The following TCF12 variants were observed in gnomAD, a reference collection of about 807,000 sequenced individuals.
TCF12 encodes transcription factor 12.
TCF12 carries 45 observed loss-of-function variants against 86.0 expected under a neutral mutation model. The ratio of observed to expected loss-of-function variants is 0.52; its 90% CI spans 0.41 to 0.67. The LOEUF is 0.67. Ranked by LOEUF, TCF12 falls within the 30% of genes least tolerant of loss-of-function variation. TCF12 has a pLI of 0.00. For synonymous variants in TCF12, 330 were observed against 299.6 expected (o/e 1.10, Z -1.05); for missense variants, 881 against 859.9 (o/e 1.02, Z -0.31).
intron 3 of TCF12, among the ~76,000 whole-genome samples, chr15:57,033,269 T>A (rs2066313730): frequency 6.6e-6 from 1 of 152,146 alleles, no homozygotes; most frequent in Admixed American, 6.5e-5. Flanking sequence ...AAGAAATAAT[T>A]GCTGAAAACT....
chr15:57,200,613 G>A (rs1473452444), intron 8 of TCF12, among the ~76,000 whole-genome samples: 11 of 152,156 alleles, frequency 7.2e-5, no homozygotes, highest in African/African-American at 2.7e-4. Flanking sequence ...TAAAGAAACA[G>A]TGAAAGGACT....
At chr15:57,102,381 T>A (rs2049820783) in intron 5 of TCF12, among the ~76,000 whole-genome samples, 1 of 152,222 alleles carries the variant, frequency 6.6e-6, no homozygotes, top group African/African-American at 2.4e-5. Flanking sequence ...GTGGATTACC[T>A]GAGGTCAGGA....
intron 16 of TCF12, among the ~76,000 whole-genome samples, chr15:57,256,303 GTC>G (rs2060343461): frequency 6.6e-6 from 1 of 152,150 alleles, no homozygotes; most frequent in African/African-American, 2.4e-5. Context: ...TCTTTTCCGT[GTC>G]TGAGGGCTTC....
At chr15:57,081,059 C>G (rs1352642736) in intron 4 of TCF12, among the ~76,000 whole-genome samples, 2 of 152,200 alleles carry the variant, frequency 1.3e-5, no homozygotes, top group East Asian at 3.8e-4. Flanking sequence ...GAGAGTCCCC[C>G]AGTCCAAACA....
chr15:56,932,627 G>C (rs1224939299), intron 3 of TCF12, among the ~76,000 whole-genome samples: 1 of 151,974 alleles, frequency 6.6e-6, no homozygotes, highest in African/African-American at 2.4e-5. Flanking sequence ...GGAGTGCAAT[G>C]GTGCAATCTC....
At chr15:56,949,640 A>C (rs1429612448) in intron 3 of TCF12, among the ~76,000 whole-genome samples, 1 of 152,196 alleles carries the variant, frequency 6.6e-6, no homozygotes, top group Non-Finnish European at 1.5e-5. Flanking sequence ...ACCAACATTT[A>C]CTTAACATAT....
At chr15:57,194,757 A>C (rs1203920287) in intron 7 of TCF12, among the ~76,000 whole-genome samples, 1 of 152,204 alleles carries the variant, frequency 6.6e-6, no homozygotes, top group Non-Finnish European at 1.5e-5. Context: ...ATCACAATAC[A>C]TGAAATACAC....
At chr15:57,210,701 T>G (rs2058066446) in intron 8 of TCF12, among the ~76,000 whole-genome samples, 1 of 152,172 alleles carries the variant, frequency 6.6e-6, no homozygotes, top group Non-Finnish European at 1.5e-5. Flanking sequence ...ACCATTTCAG[T>G]CTGAAATCAC....
intron 3 of TCF12, among the ~76,000 whole-genome samples, chr15:57,056,532 C>T (rs182008498): frequency 1.3e-5 from 2 of 152,272 alleles, no homozygotes; most frequent in Admixed American, 6.5e-5. Context: ...AATCTCAGTT[C>T]ACTGCACCCA....
chr15:57,176,291 C>T (rs1465953388), intron 6 of TCF12, among the ~76,000 whole-genome samples: 7 of 152,180 alleles, frequency 4.6e-5, no homozygotes, highest in African/African-American at 1.7e-4. Flanking sequence ...GTTGATGATC[C>T]ATCTGAGGTT....
intron 3 of TCF12, among the ~76,000 whole-genome samples, chr15:56,999,038 T>A (rs1361782433): frequency 6.6e-6 from 1 of 151,472 alleles, no homozygotes; most frequent in South Asian, 2.1e-4. Context: ...CTCTACTAAA[T>A]ATACAAAAAA....
intron 3 of TCF12, among the ~76,000 whole-genome samples, chr15:57,028,435 T>A (rs908174830): frequency 1.6e-4 from 25 of 152,232 alleles, no homozygotes; most frequent in African/African-American, 5.5e-4. Flanking sequence ...TATCTCATTA[T>A]GGTTTTAGTT....
At chr15:57,000,186 A>C (rs1257552562) in intron 3 of TCF12, among the ~76,000 whole-genome samples, 1 of 152,120 alleles carries the variant, frequency 6.6e-6, no homozygotes, top group Non-Finnish European at 1.5e-5. Context: ...GTTTTGTTTA[A>C]ATTTTAAAGA....
chr15:56,944,620 G>A (rs552705943), intron 3 of TCF12, among the ~76,000 whole-genome samples: 1 of 152,190 alleles, frequency 6.6e-6, no homozygotes, highest in East Asian at 1.9e-4. Flanking sequence ...AGAAAGATTG[G>A]CTGGCAGTAT....
At chr15:57,087,905 TA>T (rs766183000) in intron 4 of TCF12, among the ~76,000 whole-genome samples, 2 of 152,180 alleles carry the variant, frequency 1.3e-5, no homozygotes, top group African/African-American at 4.8e-5. Flanking sequence ...TCTCATGTAT[TA>T]AAAAATCTCG....
intron 3 of TCF12, among the ~76,000 whole-genome samples, chr15:57,058,156 A>C (rs1482623927): frequency 6.6e-6 from 1 of 152,134 alleles, no homozygotes; most frequent in Non-Finnish European, 1.5e-5. Flanking sequence ...AACAATTCCC[A>C]AGTCGACCCC....
chr15:57,265,015 C>G (rs1231690689), intron 18 of TCF12, among the ~76,000 whole-genome samples: 1 of 151,818 alleles, frequency 6.6e-6, no homozygotes, highest in African/African-American at 2.4e-5. Flanking sequence ...CAAGCGTGAG[C>G]CACCACACCC....
intron 16 of TCF12, among the ~76,000 whole-genome samples, chr15:57,253,888 G>A (rs1331249557): frequency 6.6e-6 from 1 of 152,098 alleles, no homozygotes; most frequent in Non-Finnish European, 1.5e-5. Flanking sequence ...CTTTATTCCC[G>A]AACTGCGGGG....
chr15:56,998,470 A>G (rs2141024913), intron 3 of TCF12, among the ~76,000 whole-genome samples: 1 of 151,364 alleles, frequency 6.6e-6, no homozygotes, highest in South Asian at 2.1e-4. Context: ...AAAAAAAAAA[A>G]AAAAAAATGC....
Sources: allele counts gnomAD v4.1 joint callset (sites outside exome capture counted in the v4.1 genomes callset), GRCh38; gene constraint gnomAD v4.1.1; transcripts MANE v1.5; gene names NCBI Gene and HGNC (gene_info 2026-07-23, HGNC 2026-07-21).